SCML4: variants seen among roughly 807,000 people sequenced by gnomAD.
SCML4 encodes the protein Scm polycomb group protein like 4.
A neutral mutation model predicts 41.1 loss-of-function variants in SCML4; 34 were observed. The observed-to-expected ratio is 0.83, with a 90% CI of 0.63 to 1.10. The LOEUF is 1.10. Among genes scored for constraint, SCML4 ranks in the 50% least tolerant of loss-of-function variants. The pLI, the probability that SCML4 is intolerant of heterozygous loss-of-function variation, is 0.00. For synonymous variants in SCML4, 214 were observed against 220.9 expected (o/e 0.97, Z 0.28); for missense variants, 522 against 534.1 (o/e 0.98, Z 0.22).
the SCML4 span, among the ~76,000 whole-genome samples, chr6:107,836,960 G>C: frequency 6.6e-6 from 1 of 152,160 alleles, no homozygotes; most frequent in Non-Finnish European, 1.5e-5. Context: ...CAAAGTTTTA[G>C]AGTACTACAT....
Position 107,703,136 on chromosome 6 carries a change from T to C in SCML4, c.*2064A>G, listed in dbSNP as rs992507831. ...AATAATCCACCCCTTGTTTAGCATA[T>C]CAAGAAATAAACATAAAAATGGGCA... On this transcript the variant is annotated 3_prime_UTR_variant, in exon 8 of 8. Transcript: ENST00000369020. Among the ~76,000 whole-genome samples the C allele has an allele frequency of 3.3e-5, 5 of 152,204 alleles. No homozygotes were observed. The highest frequency in any genetic ancestry group is 5.9e-5 in the Non-Finnish European group (4 of 68,034).
intron 1 of SCML4, among the ~76,000 whole-genome samples, chr6:107,816,824 T>C (rs1486094452): frequency 6.6e-6 from 1 of 152,222 alleles, no homozygotes; most frequent in African/African-American, 2.4e-5. Context: ...TTTTAACTTT[T>C]CCACAGATGA....
chr6:107,728,381 T>G (rs1264215886), intron 5 of SCML4, among the ~76,000 whole-genome samples: 3 of 152,000 alleles, frequency 2.0e-5, no homozygotes, highest in Non-Finnish European at 2.9e-5. Flanking sequence ...GAGGCGAAGG[T>G]GGGCGGATCA....
intron 1 of SCML4, among the ~76,000 whole-genome samples, chr6:107,809,982 G>T (rs1784040488): frequency 6.6e-6 from 1 of 152,136 alleles, no homozygotes; most frequent in African/African-American, 2.4e-5. Context: ...TGAAAAACCT[G>T]TGGGCGTCTC....
At chr6:107,807,441 C>T (rs748824630) in intron 1 of SCML4, among the ~76,000 whole-genome samples, 1 of 152,174 alleles carries the variant, frequency 6.6e-6, no homozygotes, top group African/African-American at 2.4e-5. Context: ...CATGGGTAAA[C>T]TTTGAGGGGC....
chr6:107,757,822 A>G (rs1779237064), intron 2 of SCML4, among the ~76,000 whole-genome samples: 1 of 152,202 alleles, frequency 6.6e-6, no homozygotes, highest in South Asian at 2.1e-4. Flanking sequence ...TCATGAAGTG[A>G]TGGCAGGAGG....
intron 1 of SCML4, among the ~76,000 whole-genome samples, chr6:107,796,876 T>C (rs1373441070): frequency 6.6e-6 from 1 of 152,130 alleles, no homozygotes; most frequent in African/African-American, 2.4e-5. Context: ...AGGCTGAGGG[T>C]TCACTCTTTC....
At chr6:107,719,189 G>A (rs963215974) in intron 6 of SCML4, 1 of 152,340 alleles carries the variant, frequency 6.6e-6, no homozygotes, top group Admixed American at 6.5e-5. Flanking sequence ...GTGTGACAGT[G>A]TTGGAAAGTG....
Position 107,759,262 on chromosome 6 carries a change from G to A in SCML4, c.157-9449C>T, listed in dbSNP as rs748002123. ...GGAAGACGGCTTGAGCCTGGGAGGC[G>A]GAGGTTGCAGTAAGCCGAGATTGCG... On this transcript the variant is annotated intron_variant, in intron 2 of 7. Transcript: ENST00000369020. Among the ~76,000 whole-genome samples the A allele has an allele frequency of 3.3e-5, 5 of 152,000 alleles. No individual in the cohort carries two copies. The East Asian group carries it at 7.7e-4, about 23-fold the overall frequency.
chr6:107,723,172 T>G (rs541166704), intron 5 of SCML4, among the ~76,000 whole-genome samples: 1 of 152,196 alleles, frequency 6.6e-6, no homozygotes, highest in Admixed American at 6.5e-5. Context: ...ATACAGATGC[T>G]TTTTGCTTAC....
chr6:107,707,583 G>T (rs903403472), intron 7 of SCML4, among the ~76,000 whole-genome samples: 2 of 152,200 alleles, frequency 1.3e-5, no homozygotes, highest in Non-Finnish European at 2.9e-5. Flanking sequence ...TTCACAGACG[G>T]CTGGATGGGC....
chr6:107,746,994 G>T, intron 3 of SCML4, 105 bp from the exon 4 acceptor site: 1 of 967,500 alleles, frequency 1.0e-6, no homozygotes, highest in Non-Finnish European at 1.5e-6. Flanking sequence ...CTTTGGCCCT[G>T]GCCTTGGGAA....
At chr6:107,777,412 A>T (rs914653414) in intron 1 of SCML4, among the ~76,000 whole-genome samples, 35 of 152,304 alleles carry the variant, frequency 2.3e-4, no homozygotes, top group African/African-American at 7.9e-4. Flanking sequence ...TGCCACGCCC[A>T]GCCACATTGT....
chr6:107,786,851 G>A (rs1403054185), intron 1 of SCML4, among the ~76,000 whole-genome samples: 4 of 152,218 alleles, frequency 2.6e-5, no homozygotes, highest in Non-Finnish European at 5.9e-5. Context: ...CAAGGCCACT[G>A]CAATAAGACG....
At chr6:107,811,467 A>G (rs1251451594) in intron 1 of SCML4, among the ~76,000 whole-genome samples, 1 of 152,122 alleles carries the variant, frequency 6.6e-6, no homozygotes, top group African/African-American at 2.4e-5. Flanking sequence ...ATTTATAAGC[A>G]GTGGGTGCTT....
At chr6:107,757,378 C>T (rs1227668011) in intron 2 of SCML4, among the ~76,000 whole-genome samples, 2 of 152,092 alleles carry the variant, frequency 1.3e-5, no homozygotes, top group East Asian at 1.9e-4. Context: ...AACAGAAATG[C>T]CAACTAAACA....
intron 1 of SCML4, among the ~76,000 whole-genome samples, chr6:107,817,525 G>A (rs1250777317): frequency 6.8e-6 from 1 of 146,304 alleles, no homozygotes; most frequent in African/African-American, 2.5e-5. Context: ...TCTACTTGAG[G>A]CAGGAAAATC....
At chr6:107,803,351 C>G (rs1194768593) in intron 1 of SCML4, among the ~76,000 whole-genome samples, 1 of 149,042 alleles carries the variant, frequency 6.7e-6, no homozygotes, top group Non-Finnish European at 1.5e-5. Context: ...CGTCTCCGCC[C>G]GGCAGCCACC....
At position 107,772,162 on chromosome 6, in the gene SCML4, G is replaced by A; in HGVS notation, c.156+10C>T. The A allele has an allele frequency of 6.5e-7, 1 of 1,544,270 alleles. No homozygotes were observed. The highest frequency in any genetic ancestry group is 1.2e-5 in the South Asian group (1 of 82,816). The stretch of plus-strand genomic sequence containing the variant: ...ATACCACTTTGGAGAAGGAGATGAT[G>A]GAGCCGTACCTTGTACCCGGGTTTC... On this transcript the variant is annotated intron_variant, in intron 2 of 7. Coordinates refer to ENST00000369020, the MANE Select transcript of SCML4 (RefSeq NM_198081.5).
Sources: allele counts gnomAD v4.1 joint callset (sites outside exome capture counted in the v4.1 genomes callset), GRCh38; gene constraint gnomAD v4.1.1; transcripts MANE v1.5; gene names NCBI Gene and HGNC (gene_info 2026-07-23, HGNC 2026-07-21).